Variants in FRMPD4 observed in about 807,000 individuals in gnomAD.
FRMPD4 encodes the protein FERM and PDZ domain-containing protein 4.
Under a neutral mutation model 94.1 loss-of-function variants are expected in FRMPD4, and 22 were observed. That is an observed-to-expected ratio of 0.23 (90% CI 0.17 to 0.33). FRMPD4 has a LOEUF of 0.33. Among genes scored for constraint, FRMPD4 ranks in the 10% least tolerant of loss-of-function variants. The pLI is 1.00. For synonymous variants in FRMPD4, 631 were observed against 548.6 expected (o/e 1.15, Z -2.10); for missense variants, 1,111 against 1,339.9 (o/e 0.83, Z 2.67).
intron 1 of FRMPD4, among the ~76,000 whole-genome samples, chrX:12,202,498 A>G (rs1432721743): frequency 2.7e-5 from 3 of 112,272 alleles, no homozygotes; most frequent in Non-Finnish European, 5.6e-5. Flanking sequence ...AAGAATACTT[A>G]TCTCCAACAA....
intron 3 of FRMPD4, among the ~76,000 whole-genome samples, chrX:11,934,470 C>A (rs188138455): frequency 1.0e-3 from 117 of 111,658 alleles, no homozygotes; most frequent in Non-Finnish European, 1.8e-3. Flanking sequence ...GGGAAGTCTC[C>A]ATGGTAAGGG....
At chrX:12,334,337 C>T (rs892510086) in intron 1 of FRMPD4, among the ~76,000 whole-genome samples, 3 of 111,110 alleles carry the variant, frequency 2.7e-5, no homozygotes, top group East Asian at 5.6e-4. Context: ...TTCTCGGATT[C>T]GTGTCAGGGC....
At chrX:12,649,086 G>A (rs151193791) in intron 4 of FRMPD4, among the ~76,000 whole-genome samples, 303 of 112,135 alleles carry the variant, frequency 2.7e-3, no homozygotes, top group Middle Eastern at 9.2e-3. Flanking sequence ...GACCTAACAA[G>A]GTCTGAGTGA....
intron 5 of FRMPD4, among the ~76,000 whole-genome samples, chrX:12,676,848 G>A (rs1379575905): frequency 8.9e-6 from 1 of 112,093 alleles, no homozygotes; most frequent in African/African-American, 3.2e-5. Flanking sequence ...TCAGGAGGAA[G>A]TGTCACATGT....
At chrX:12,032,292 A>G (rs181010749) in intron 3 of FRMPD4, among the ~76,000 whole-genome samples, 25 of 111,956 alleles carry the variant, frequency 2.2e-4, no homozygotes, top group African/African-American at 7.5e-4. Flanking sequence ...GGCAGAGAAG[A>G]GGAGTTTGCC....
At chrX:12,122,319 C>CT (rs1388425754) in intron 3 of FRMPD4, among the ~76,000 whole-genome samples, 1 of 112,275 alleles carries the variant, frequency 8.9e-6, no homozygotes, top group Admixed American at 9.4e-5. Context: ...TGTTCCACTG[C>CT]TAAGTGGGTC....
chrX:12,401,545 T>C (rs1431861129), intron 1 of FRMPD4, among the ~76,000 whole-genome samples: 1 of 111,707 alleles, frequency 9.0e-6, no homozygotes, highest in African/African-American at 3.2e-5. Flanking sequence ...CCCAACACTC[T>C]CCCTGTCTTT....
intron 1 of FRMPD4, among the ~76,000 whole-genome samples, chrX:12,309,084 C>T (rs917615681): frequency 4.4e-5 from 5 of 112,447 alleles, no homozygotes; most frequent in African/African-American, 1.6e-4. Context: ...GTTGCAGCTA[C>T]TCAACTCTGC....
intron 1 of FRMPD4, among the ~76,000 whole-genome samples, chrX:12,314,513 G>A (rs777891557): frequency 1.8e-5 from 2 of 111,255 alleles, no homozygotes; most frequent in Non-Finnish European, 1.9e-5. Context: ...ACCCTATACT[G>A]AGCAACTGGG....
chrX:12,289,920 T>A (rs1238142619), intron 1 of FRMPD4, among the ~76,000 whole-genome samples: 1 of 111,997 alleles, frequency 8.9e-6, no homozygotes, highest in African/African-American at 3.2e-5. Context: ...GGAAGTAATG[T>A]CATTAGCTTG....
chrX:12,698,045 A>G (rs1056709831), intron 9 of FRMPD4, among the ~76,000 whole-genome samples: 4 of 111,887 alleles, frequency 3.6e-5, no homozygotes, highest in African/African-American at 1.3e-4. Flanking sequence ...CTGGGTGCCC[A>G]TGTTGATTTC....
At chrX:12,265,956 A>G (rs1601756910) in intron 1 of FRMPD4, among the ~76,000 whole-genome samples, 1 of 107,673 alleles carries the variant, frequency 9.3e-6, no homozygotes, top group African/African-American at 3.4e-5. Flanking sequence ...GTGAAACACC[A>G]TCTCTACTAA....
At chrX:12,473,666 T>A (rs1204932729) in intron 1 of FRMPD4, among the ~76,000 whole-genome samples, 1 of 109,653 alleles carries the variant, frequency 9.1e-6, no homozygotes, top group Non-Finnish European at 1.9e-5. Flanking sequence ...GTTGCAATCC[T>A]AGTCTCTGAT....
At chrX:12,123,198 G>T (rs1216437329) in intron 3 of FRMPD4, among the ~76,000 whole-genome samples, 1 of 106,343 alleles carries the variant, frequency 9.4e-6, no homozygotes, top group East Asian at 2.9e-4. Context: ...CTGGATTACA[G>T]TGGGGTGATC....
At chrX:12,711,167 G>A (rs2041978898) in intron 14 of FRMPD4, among the ~76,000 whole-genome samples, 1 of 111,510 alleles carries the variant, frequency 9.0e-6, no homozygotes, top group African/African-American at 3.3e-5. Context: ...GTCAGGGCCA[G>A]AGGACTAATG....
intron 1 of FRMPD4, among the ~76,000 whole-genome samples, chrX:12,442,495 C>T (rs1223574019): frequency 9.0e-6 from 1 of 111,632 alleles, no homozygotes; most frequent in Non-Finnish European, 1.9e-5. Flanking sequence ...CAAAACTGTC[C>T]AATAAAAACA....
intron 1 of FRMPD4, among the ~76,000 whole-genome samples, chrX:12,157,403 T>C (rs1473502825): frequency 9.0e-6 from 1 of 111,556 alleles, no homozygotes; most frequent in Non-Finnish European, 1.9e-5. Context: ...ATACCTCATA[T>C]ACCCCAGTGG....
intron 3 of FRMPD4, among the ~76,000 whole-genome samples, chrX:12,077,854 C>T (rs2055032725): frequency 8.9e-6 from 1 of 111,933 alleles, no homozygotes; most frequent in Non-Finnish European, 1.9e-5. Context: ...ATCACTGCTC[C>T]TCCATGGGGT....
intron 2 of FRMPD4, among the ~76,000 whole-genome samples, chrX:12,554,250 C>A (rs1361998432): frequency 9.0e-6 from 1 of 111,502 alleles, no homozygotes; most frequent in Non-Finnish European, 1.9e-5. Flanking sequence ...TATCTAGCAC[C>A]ACTAACAAAT....
Sources: allele counts gnomAD v4.1 joint callset (sites outside exome capture counted in the v4.1 genomes callset), GRCh38; gene constraint gnomAD v4.1.1; transcripts MANE v1.5; gene names NCBI Gene and HGNC (gene_info 2026-07-23, HGNC 2026-07-21).